GLDN: variants seen among roughly 807,000 people sequenced by gnomAD.
GLDN encodes collomin.
GLDN carries 47 observed loss-of-function variants against 56.5 expected under a neutral mutation model. That is an observed-to-expected ratio of 0.83 (90% confidence interval 0.66 to 1.06). The LOEUF (loss-of-function observed/expected upper bound fraction) is 1.06, where lower values mean the gene tolerates loss of function less well. Among genes scored for constraint, GLDN ranks in the 50% least tolerant of loss-of-function variants. The pLI is 0.00. For missense variants in GLDN, 782 were observed against 714.3 expected (o/e 1.09, Z -1.08); for synonymous variants, 332 against 278.8 (o/e 1.19, Z -1.90).
intron 1 of GLDN, among the ~76,000 whole-genome samples, chr15:51,372,109 C>G (rs1223864064): frequency 6.6e-6 from 1 of 152,176 alleles, no homozygotes; most frequent in African/African-American, 2.4e-5. Flanking sequence ...CATCACATAG[C>G]AAGGGATTGA....
chr15:51,368,277 G>GAGTCTAGTTGAGA (rs1475461144), intron 1 of GLDN, among the ~76,000 whole-genome samples: 1 of 152,138 alleles, frequency 6.6e-6, no homozygotes, highest in Non-Finnish European at 1.5e-5. Context: ...CTACTATTCA[G>GAGTCTAGTTGAGA]AGTCTAGTTG....
At position 51,341,883 on chromosome 15, in the gene GLDN, T is replaced by G. The variant is rs1382345469; in HGVS notation, c.199T>G (p.Ser67Ala). ...GCAGCGCGAGGACAGTGCCCTGCGC[T>G]CCTTCCTGGCCGAGTTGAGCCGCGC... ...REQREDSALR[S>A]FLAELSRAPR... is the part of the protein sequence containing the mutation. The change falls in exon 1 of 10, where the codon TCC (serine) becomes GCC (alanine). Residue 67 changes from serine (S) to alanine (A), a missense_variant. Coordinates refer to ENST00000335449, the MANE Select transcript of GLDN (RefSeq NM_181789.4). 6.3e-7 allele frequency: 1 copy of G among 1,576,764 alleles called. No homozygotes were observed. The highest frequency in any genetic ancestry group is 8.5e-7 in the Non-Finnish European group (1 of 1,169,718).
downstream of GLDN, among the ~76,000 whole-genome samples, chr15:51,410,183 A>G (rs117958685): frequency 1.4e-4 from 22 of 152,336 alleles, no homozygotes; most frequent in East Asian, 4.2e-3. Context: ...AATCATGCCC[A>G]AGTGGAAAAG....
chr15:51,401,770 C>G, intron 9 of GLDN, 27 bp downstream of exon 9: 1 of 1,604,386 alleles, frequency 6.2e-7, no homozygotes, highest in South Asian at 1.1e-5. Flanking sequence ...CACCTTCTCA[C>G]GCCTCTCAGG....
chr15:51,352,836 C>G (rs1212253274), intron 1 of GLDN, among the ~76,000 whole-genome samples: 4 of 152,196 alleles, frequency 2.6e-5, no homozygotes, highest in Admixed American at 2.6e-4. Flanking sequence ...GCTGAACTAA[C>G]TTTGGAAGGA....
At chr15:51,371,242 T>G (rs901714829) in intron 1 of GLDN, among the ~76,000 whole-genome samples, 9 of 152,240 alleles carry the variant, frequency 5.9e-5, no homozygotes, top group African/African-American at 1.9e-4. Context: ...TAGATCTATG[T>G]CATCCTTTAA....
chr15:51,375,194 C>G (rs1207573874), intron 1 of GLDN, among the ~76,000 whole-genome samples: 1 of 152,180 alleles, frequency 6.6e-6, no homozygotes, highest in Admixed American at 6.5e-5. Context: ...ATTTTCCCCT[C>G]ACATCAAAAC....
At position 51,400,454 on chromosome 15, in the gene GLDN, C is replaced by A. The variant is rs2038226424; in HGVS notation, c.983C>A (p.Ala328Asp). ...ETFGTWIRES[A>D]NKSDDRIWVT... Reference sequence around the variant, plus strand: ...TTTGGGACTTGGATAAGAGAGTCTGCTAACAAGAGTGATGACCGGATTTGG... The same window carrying A: ...TTTGGGACTTGGATAAGAGAGTCTGATAACAAGAGTGATGACCGGATTTGG... Residue 328 changes from alanine to aspartate, a missense_variant, in exon 8 of 10, where the codon GCT becomes GAT. Ala to Asp is a moderately radical substitution (Grantham distance 126, BLOSUM62 -2). Transcript: ENST00000335449. 2 of 1,614,160 alleles carry A rather than the reference C, an allele frequency of 1.2e-6. No homozygotes were observed. Among genetic ancestry groups the A allele is most frequent in the African/African-American group, 2.7e-5 (2 of 75,056 alleles).
Position 51,400,177 on chromosome 15 carries a change from T to C in GLDN, c.818-15T>C, listed in dbSNP as rs759513787. The C allele has an allele frequency of 1.1e-5, 17 of 1,611,816 alleles. No homozygotes were observed. The highest frequency in any genetic ancestry group is 1.3e-5 in the Non-Finnish European group (15 of 1,178,042). ...CCAACCGTATCGGCTCTGATGATTA[T>C]TGTTGTCATTTTAGGTGAGACTTGT... is the stretch of plus-strand genomic sequence containing the variant. On this transcript the variant is annotated splice_polypyrimidine_tract_variant and intron_variant, in intron 6 of 9. Coordinates refer to ENST00000335449, the MANE Select transcript of GLDN (RefSeq NM_181789.4).
intron 2 of GLDN, among the ~76,000 whole-genome samples, chr15:51,382,201 C>T (rs529111631): frequency 6.7e-4 from 102 of 152,294 alleles, no homozygotes; most frequent in African/African-American, 2.4e-3. Flanking sequence ...TCTTGAGATG[C>T]CTTCTCAGAC....
At chr15:51,362,461 G>C (rs1184025435) in intron 1 of GLDN, among the ~76,000 whole-genome samples, 1 of 149,506 alleles carries the variant, frequency 6.7e-6, no homozygotes, top group African/African-American at 2.5e-5. Context: ...CTTCAGCCTG[G>C]GTGACAGAGC....
At chr15:51,397,437 TCC>T in intron 5 of GLDN, 31 bp from the exon 6 acceptor site, 1 of 1,231,356 alleles carries the variant, frequency 8.1e-7, no homozygotes, top group Non-Finnish European at 1.0e-6. Context: ...ACCTCTTGCC[TCC>T]TTCTCTCCCT....
At chr15:51,402,717 T>G (rs988107509) in intron 9 of GLDN, among the ~76,000 whole-genome samples, 3 of 152,202 alleles carry the variant, frequency 2.0e-5, no homozygotes, top group African/African-American at 7.2e-5. Flanking sequence ...CTTTGGCATT[T>G]GAATGCTCAG....
rs763697119 is a variant in GLDN at position 51,404,314 on chromosome 15, C to T, written c.1216C>T (p.Leu406Phe). ...FGQETSQTLK[L>F]ENALYFDRKY... ...CCAGGAAACATCCCAAACTCTGAAG[C>T]TTGAAAATGCCTTGTATTTTGATCG... The change falls in exon 10 of 10, where the codon CTT becomes TTT. Residue 406 changes from leucine (L) to phenylalanine (F), a missense_variant. Leu to Phe is a conservative substitution (Grantham distance 22, BLOSUM62 0). Coordinates refer to ENST00000335449, the MANE Select transcript of GLDN (RefSeq NM_181789.4). 6.8e-6 allele frequency: 11 copies of T among 1,606,284 alleles called. No homozygotes were observed. The South Asian group carries it at 1.2e-4, about 18-fold the overall frequency.
At chr15:51,385,959 T>C (rs1257585465) in intron 4 of GLDN, among the ~76,000 whole-genome samples, 1 of 152,078 alleles carries the variant, frequency 6.6e-6, no homozygotes, top group Non-Finnish European at 1.5e-5. Context: ...GTGCTATGCC[T>C]GACATATGGA....
chr15:51,342,437 C>G (rs568274666), intron 1 of GLDN, among the ~76,000 whole-genome samples: 5 of 152,344 alleles, frequency 3.3e-5, no homozygotes, highest in African/African-American at 1.2e-4. Flanking sequence ...GTGGGGCCCT[C>G]TGAGAGGATG....
chr15:51,374,944 C>T (rs938741916), intron 1 of GLDN, among the ~76,000 whole-genome samples: 4 of 151,944 alleles, frequency 2.6e-5, no homozygotes, highest in African/African-American at 9.7e-5. Context: ...TACTATGTTA[C>T]CCAGGCTGGT....
At chr15:51,387,952 T>C (rs1173557006) in intron 4 of GLDN, among the ~76,000 whole-genome samples, 1 of 152,182 alleles carries the variant, frequency 6.6e-6, no homozygotes, top group African/African-American at 2.4e-5. Context: ...ATGAAGATAC[T>C]TCTCTCTTTC....
At position 51,400,194 on chromosome 15, in the gene GLDN, G is replaced by A. The variant is rs1033782161; in HGVS notation, c.820G>A (p.Glu274Lys). 1.2e-6 allele frequency: 2 copies of A among 1,613,876 alleles called. No homozygotes were observed. The highest frequency in any genetic ancestry group is 2.7e-5 in the African/African-American group (2 of 74,932). ...GATGATTATTGTTGTCATTTTAGGT[G>A]AGACTTGTGCCATACCAAATGATGA... ...PSMFNGQCPG[E>K]TCAIPNDDTL... The change falls in exon 7 of 10, where the codon GAG becomes AAG. Residue 274 changes from glutamate to lysine, a missense_variant and splice_region_variant. By Grantham distance (56) the Glu-to-Lys change is moderately conservative. Coordinates refer to ENST00000335449, the MANE Select transcript of GLDN (RefSeq NM_181789.4).
Sources: gnomAD v4.1 joint callset for allele counts (sites outside exome capture counted in the v4.1 genomes callset) on GRCh38, gnomAD v4.1.1 for gene constraint, MANE v1.5 for transcripts, NCBI Gene and HGNC (gene_info 2026-07-23, HGNC 2026-07-21) for gene names.